Variants in ZNF322 observed in about 807,000 individuals in gnomAD.
ZNF322 encodes zinc finger protein 322, also known as HLA complex group 12.
A neutral mutation model predicts 18.3 loss-of-function variants in ZNF322; 1 was observed. The observed-to-expected ratio is 0.05, with a 90% CI of 0.02 to 0.26. The LOEUF (loss-of-function observed/expected upper bound fraction) is 0.26. ZNF322 is among the 10% of genes least tolerant of loss of function. The probability of loss-of-function intolerance (pLI) is 1.00; values close to 1 mark genes in which losing one functional copy is unlikely to be tolerated. For missense variants in ZNF322, 36 were observed against 403.6 expected (o/e 0.09, Z 7.80); for synonymous variants, 17 against 130.7 (o/e 0.13, Z 5.93).
intron 3 of ZNF322, among the ~76,000 whole-genome samples, chr6:26,641,699 G>A (rs1027155686): frequency 6.6e-6 from 1 of 152,154 alleles, no homozygotes; most frequent in Non-Finnish European, 1.5e-5. Context: ...ATGTGCCTTG[G>A]TAAAAATGTG....
In ZNF322 at chr6:26,641,360, C is replaced by T. The variant is rs1490489; in HGVS notation, c.-176+2299G>A. Among the ~76,000 whole-genome samples the T allele has an allele frequency of 8.1e-3, 1,229 of 152,112 alleles. 14 individuals carry two copies. Among genetic ancestry groups the T allele is most frequent in the African/African-American group, 0.028 (1,162 of 41,480 alleles). ...ACAAGAAATGTAGTATTGTGACCAC[C>T]GCGGGACATAATGGGAGAAAAATGC... On this transcript the variant is annotated intron_variant, in intron 3 of 3. Transcript: ENST00000415922.
At chr6:26,640,159 G>A (rs1213532509) in intron 3 of ZNF322, among the ~76,000 whole-genome samples, 1 of 152,144 alleles carries the variant, frequency 6.6e-6, no homozygotes, top group Non-Finnish European at 1.5e-5. Flanking sequence ...CCATTTCTCT[G>A]TTCCTCTCCG....
intron 2 of ZNF322, among the ~76,000 whole-genome samples, chr6:26,647,394 A>C (rs1455882598): frequency 6.6e-6 from 1 of 152,180 alleles, no homozygotes; most frequent in Admixed American, 6.5e-5. Flanking sequence ...CTTATTTTGT[A>C]AAACTTAAAG....
intron 3 of ZNF322, among the ~76,000 whole-genome samples, chr6:26,642,034 C>G (rs782298151): frequency 2.6e-5 from 4 of 152,100 alleles, no homozygotes; most frequent in Non-Finnish European, 5.9e-5. Context: ...CCCGATTGTA[C>G]ATTCTATTTA....
chr6:26,659,124 A>G (rs968069603), intron 1 of ZNF322, among the ~76,000 whole-genome samples: 1 of 152,260 alleles, frequency 6.6e-6, no homozygotes, highest in African/African-American at 2.4e-5. Context: ...GATAGATTCA[A>G]CTGCAACATA....
At chr6:26,646,913 G>A (rs1765568873) in intron 2 of ZNF322, among the ~76,000 whole-genome samples, 1 of 152,020 alleles carries the variant, frequency 6.6e-6, no homozygotes, top group Admixed American at 6.5e-5. Flanking sequence ...AAGGGGCAAT[G>A]AAAAAGTTAA....
rs1765350808 is a variant in ZNF322, at chr6:26,636,285, TATC to T, written c.*1057_*1059del. The T allele has an allele frequency of 7.0e-6, 1 of 142,628 alleles. No homozygotes were observed. The highest frequency in any genetic ancestry group is 2.3e-4 in the East Asian group (1 of 4,362). 8.8% of individuals were successfully genotyped at this position (142,628 alleles called of 1,614,324 possible). A position where few individuals can be genotyped will look rare whatever the true frequency, so the allele number is the denominator to read the frequency against. ...CAACAGTAACACATGCCACACCTTC[TATC>T]ATAAGGTTACCGTCCTTTCCTTTAT... On this transcript the variant is annotated 3_prime_UTR_variant, in exon 4 of 4. Transcript: ENST00000415922.
intron 2 of ZNF322, among the ~76,000 whole-genome samples, chr6:26,652,338 T>C (rs1353961617): frequency 6.6e-6 from 1 of 152,016 alleles, no homozygotes; most frequent in African/African-American, 2.4e-5. Flanking sequence ...CTCCAAAATA[T>C]ACAAAAATAT....
intron 2 of ZNF322, among the ~76,000 whole-genome samples, chr6:26,649,675 G>GTGTGTATATATATATA (rs1465971500): frequency 8.7e-5 from 2 of 22,952 alleles, no homozygotes; most frequent in Admixed American, 6.3e-4. Context: ...GTGTGTGTGT[G>GTGTGTATATATATATA]TATATATATA....
chr6:26,646,846 C>T (rs1219869319), intron 2 of ZNF322, among the ~76,000 whole-genome samples: 3 of 151,960 alleles, frequency 2.0e-5, no homozygotes, highest in Non-Finnish European at 4.4e-5. Flanking sequence ...AAATATCAAG[C>T]GACCAAAGGT....
intron 2 of ZNF322, among the ~76,000 whole-genome samples, chr6:26,657,607 C>T (rs369843707): frequency 7.2e-5 from 11 of 152,214 alleles, no homozygotes; most frequent in African/African-American, 2.6e-4. Flanking sequence ...ATTCGTTTGT[C>T]TTTTTACTAA....
chr6:26,654,968 T>C (rs782431461), intron 2 of ZNF322, among the ~76,000 whole-genome samples: 35 of 152,176 alleles, frequency 2.3e-4, no homozygotes, highest in Non-Finnish European at 4.3e-4. Context: ...CCTCCTAATA[T>C]GATGCAAAGA....
At chr6:26,642,288 G>A (rs372991256) in intron 3 of ZNF322, among the ~76,000 whole-genome samples, 1 of 152,202 alleles carries the variant, frequency 6.6e-6, no homozygotes, top group Non-Finnish European at 1.5e-5. Context: ...AAGATAGTGA[G>A]AGAGTGATCA....
intron 2 of ZNF322, among the ~76,000 whole-genome samples, 153 bp downstream of exon 2, chr6:26,658,405 G>A (rs73736861): frequency 0.02 from 3,021 of 151,570 alleles, 65 homozygotes; most frequent in African/African-American, 0.055. Context: ...GGTAGGATAG[G>A]GCTCAGTTTT....
At chr6:26,645,987 G>A (rs1176772179) in intron 2 of ZNF322, among the ~76,000 whole-genome samples, 1 of 151,572 alleles carries the variant, frequency 6.6e-6, no homozygotes, top group Non-Finnish European at 1.5e-5. Flanking sequence ...GCCAAGATCA[G>A]GCCATTGCAC....
intron 2 of ZNF322, among the ~76,000 whole-genome samples, chr6:26,656,225 T>A (rs1472301554): frequency 6.6e-6 from 1 of 152,248 alleles, no homozygotes; most frequent in Non-Finnish European, 1.5e-5. Context: ...TTGGTTCAAA[T>A]TCCCACTCTC....
At chr6:26,647,309 A>G (rs1254630759) in intron 2 of ZNF322, among the ~76,000 whole-genome samples, 1 of 152,130 alleles carries the variant, frequency 6.6e-6, no homozygotes, top group Non-Finnish European at 1.5e-5. Context: ...AAATAATAAC[A>G]AAAATAGATA....
chr6:26,642,776 A>C (rs553887065), intron 3 of ZNF322, among the ~76,000 whole-genome samples: 1 of 152,264 alleles, frequency 6.6e-6, no homozygotes, highest in East Asian at 1.9e-4. Flanking sequence ...AAGGACTTAT[A>C]CTGGGGCTGG....
chr6:26,657,850 C>T (rs952982490), intron 2 of ZNF322, among the ~76,000 whole-genome samples: 29 of 152,034 alleles, frequency 1.9e-4, no homozygotes, highest in Non-Finnish European at 1.0e-4. Flanking sequence ...TACCCTCCTT[C>T]AGGATGCTTC....
Sources: allele counts gnomAD v4.1 joint callset (sites outside exome capture counted in the v4.1 genomes callset), GRCh38; gene constraint gnomAD v4.1.1; transcripts MANE v1.5; gene names NCBI Gene and HGNC (gene_info 2026-07-23, HGNC 2026-07-21).